The following MAGI2 variants were observed in gnomAD, a reference collection of about 807,000 sequenced individuals.
MAGI2 encodes membrane-associated guanylate kinase, WW and PDZ domain-containing protein 2.
A neutral mutation model predicts 133.3 loss-of-function variants in MAGI2; 35 were observed. The observed-to-expected ratio is 0.26, with a 90% CI of 0.20 to 0.35. MAGI2 has a LOEUF of 0.35. Ranked by LOEUF, MAGI2 falls within the 10% of genes least tolerant of loss-of-function variation. MAGI2 has a pLI of 1.00. For missense variants in MAGI2, 1,636 were observed against 1,863.4 expected (o/e 0.88, Z 2.25); for synonymous variants, 729 against 710.6 (o/e 1.03, Z -0.41).
At chr7:79,330,478 A>G (rs1297943945) in intron 1 of MAGI2, among the ~76,000 whole-genome samples, 1 of 152,026 alleles carries the variant, frequency 6.6e-6, no homozygotes, top group Non-Finnish European at 1.5e-5. Flanking sequence ...TACAGGCATG[A>G]GCCACTGCGC....
chr7:78,073,595 C>T (rs759429198), intron 21 of MAGI2, among the ~76,000 whole-genome samples: 1 of 152,194 alleles, frequency 6.6e-6, no homozygotes, highest in Non-Finnish European at 1.5e-5. Context: ...GGAAAGGCTC[C>T]ACTTTGGTCT....
chr7:78,992,222 T>C (rs1244396301), intron 2 of MAGI2, among the ~76,000 whole-genome samples: 1 of 152,010 alleles, frequency 6.6e-6, no homozygotes, highest in East Asian at 1.9e-4. Context: ...ATGTATTCTG[T>C]TTACCCATCT....
intron 1 of MAGI2, among the ~76,000 whole-genome samples, chr7:79,287,970 A>T (rs1836151080): frequency 6.6e-6 from 1 of 152,192 alleles, no homozygotes; most frequent in African/African-American, 2.4e-5. Flanking sequence ...ACAAAAATAA[A>T]AACAAAAATC....
chr7:79,274,903 G>A (rs1201895309), intron 1 of MAGI2, among the ~76,000 whole-genome samples: 2 of 151,928 alleles, frequency 1.3e-5, no homozygotes, highest in Non-Finnish European at 2.9e-5. Context: ...TAATCATTTT[G>A]GGGCACCATG....
chr7:78,240,411 G>A (rs1300414149), intron 10 of MAGI2, among the ~76,000 whole-genome samples: 2 of 152,092 alleles, frequency 1.3e-5, no homozygotes, highest in African/African-American at 4.8e-5. Flanking sequence ...GGGAATCAAT[G>A]GATAAAGAAA....
intron 2 of MAGI2, among the ~76,000 whole-genome samples, chr7:78,980,527 C>T (rs1206615432): frequency 2.0e-5 from 3 of 151,704 alleles, no homozygotes; most frequent in Admixed American, 2.0e-4. Context: ...GAACTCAGAA[C>T]GAAGGTATAT....
At chr7:79,306,958 C>T (rs1465962073) in intron 1 of MAGI2, among the ~76,000 whole-genome samples, 2 of 151,976 alleles carry the variant, frequency 1.3e-5, no homozygotes, top group African/African-American at 4.8e-5. Context: ...GGATTACAGG[C>T]GACCGCCACC....
intron 9 of MAGI2, among the ~76,000 whole-genome samples, chr7:78,275,988 G>A (rs2150998449): frequency 6.6e-6 from 1 of 152,236 alleles, no homozygotes; most frequent in South Asian, 2.1e-4. Flanking sequence ...GACTGTTGAG[G>A]CCATGTGATT....
At chr7:78,151,923 G>T (rs765514395) in intron 16 of MAGI2, among the ~76,000 whole-genome samples, 1 of 152,050 alleles carries the variant, frequency 6.6e-6, no homozygotes, top group Non-Finnish European at 1.5e-5. Flanking sequence ...GAAGCATACA[G>T]CCCCATCGAC....
chr7:78,150,341 A>G (rs1823748145), intron 16 of MAGI2, among the ~76,000 whole-genome samples: 2 of 152,332 alleles, frequency 1.3e-5, no homozygotes, highest in Middle Eastern at 3.4e-3. Context: ...AAGCTTCATT[A>G]GGACCCTTCT....
intron 2 of MAGI2, among the ~76,000 whole-genome samples, chr7:78,964,982 T>C (rs1803179418): frequency 6.6e-6 from 1 of 151,956 alleles, no homozygotes; most frequent in Non-Finnish European, 1.5e-5. Context: ...CTGTCCTTTA[T>C]AATTAGAATA....
intron 1 of MAGI2, among the ~76,000 whole-genome samples, chr7:79,020,978 T>C (rs1248253275): frequency 1.3e-5 from 2 of 152,206 alleles, no homozygotes. Flanking sequence ...ACATGCCAGC[T>C]GCTTCAGCTC....
intron 3 of MAGI2, among the ~76,000 whole-genome samples, chr7:78,572,113 A>G (rs1210518130): frequency 1.3e-5 from 2 of 152,210 alleles, no homozygotes; most frequent in Admixed American, 1.3e-4. Flanking sequence ...AAGAGGCAAT[A>G]GCAAATCATC....
intron 9 of MAGI2, among the ~76,000 whole-genome samples, chr7:78,284,450 C>T (rs202061754): frequency 4.9e-5 from 7 of 142,878 alleles, no homozygotes; most frequent in Non-Finnish European, 4.6e-5. Context: ...GTTTTCTTTT[C>T]TTTTTTTTTT....
chr7:79,190,048 T>A (rs1369455597), intron 1 of MAGI2, among the ~76,000 whole-genome samples: 2 of 151,850 alleles, frequency 1.3e-5, no homozygotes, highest in Non-Finnish European at 2.9e-5. Flanking sequence ...TTTGGTGGCT[T>A]TAAATTTTTT....
chr7:78,107,098 T>C (rs940104254), intron 20 of MAGI2, among the ~76,000 whole-genome samples: 11 of 152,176 alleles, frequency 7.2e-5, no homozygotes, highest in Admixed American at 2.0e-4. Flanking sequence ...CCCAGCACCA[T>C]TTTTGAACAG....
At chr7:78,714,426 T>C (rs1339914099) in intron 2 of MAGI2, among the ~76,000 whole-genome samples, 5 of 152,062 alleles carry the variant, frequency 3.3e-5, no homozygotes, top group African/African-American at 1.2e-4. Context: ...AGCAAGAAAA[T>C]GGTTTCTCTG....
At chr7:78,144,713 C>G (rs865884274) in intron 16 of MAGI2, among the ~76,000 whole-genome samples, 1 of 152,144 alleles carries the variant, frequency 6.6e-6, no homozygotes, top group South Asian at 2.1e-4. Context: ...TGTTGTTGCA[C>G]TCCAAGGTGG....
intron 2 of MAGI2, among the ~76,000 whole-genome samples, chr7:78,932,232 T>C (rs2151659686): frequency 6.6e-6 from 1 of 152,198 alleles, no homozygotes; most frequent in Admixed American, 6.6e-5. Flanking sequence ...ACTTATTCTT[T>C]TGTTGTTCTA....
Sources: gnomAD v4.1 joint callset for allele counts (sites outside exome capture counted in the v4.1 genomes callset) on GRCh38, gnomAD v4.1.1 for gene constraint, MANE v1.5 for transcripts, NCBI Gene and HGNC (gene_info 2026-07-23, HGNC 2026-07-21) for gene names.